Variants in ISM1 observed in about 807,000 individuals in gnomAD.
ISM1 encodes isthmin-1.
ISM1 carries 25 observed loss-of-function variants against 46.3 expected under a neutral mutation model. That is an observed-to-expected ratio of 0.54 (90% confidence interval 0.39 to 0.75). The LOEUF is 0.75. Among genes scored for constraint, ISM1 ranks in the 30% least tolerant of loss-of-function variants. The pLI, the probability that ISM1 is intolerant of heterozygous loss-of-function variation, is 0.00. For synonymous variants in ISM1, 255 were observed against 256.7 expected, an observed-to-expected ratio of 0.99 and a Z score of 0.06; for missense variants, 536 against 625.4, an observed-to-expected ratio of 0.86 and a Z score of 1.52.
chr20:13,254,045 C>T (rs2039898551), intron 1 of ISM1, among the ~76,000 whole-genome samples: 1 of 141,910 alleles, frequency 7.0e-6, no homozygotes, highest in African/African-American at 2.7e-5. Flanking sequence ...TGGCAAAACC[C>T]CATCATCTCT....
intron 2 of ISM1, among the ~76,000 whole-genome samples, chr20:13,271,492 T>C (rs1466491165): frequency 6.6e-6 from 1 of 152,186 alleles, no homozygotes; most frequent in Non-Finnish European, 1.5e-5. Context: ...AACACCCTCA[T>C]GAAGGAGACA....
intron 1 of ISM1, among the ~76,000 whole-genome samples, chr20:13,253,450 C>T (rs2039889753): frequency 6.6e-6 from 1 of 152,180 alleles, no homozygotes; most frequent in South Asian, 2.1e-4. Context: ...TTTGAGAGCG[C>T]TGTGTTTCCT....
At chr20:13,313,088 C>T in the ISM1 span, among the ~76,000 whole-genome samples, 1 of 152,158 alleles carries the variant, frequency 6.6e-6, no homozygotes, top group Non-Finnish European at 1.5e-5. Context: ...CTTCTTTGGG[C>T]CCCATCCCAC....
At chr20:13,233,595 CAAAAAAAA>C (rs1183584907) in intron 1 of ISM1, among the ~76,000 whole-genome samples, 182 of 63,750 alleles carry the variant, frequency 2.9e-3, no homozygotes, top group African/African-American at 0.01. Context: ...AACTCCATCT[CAAAAAAAA>C]AAAAAAAAAA....
intron 1 of ISM1, among the ~76,000 whole-genome samples, chr20:13,230,929 C>T (rs913961578): frequency 6.6e-5 from 10 of 152,144 alleles, no homozygotes; most frequent in African/African-American, 2.2e-4. Context: ...AACCAATATG[C>T]TTATTATGCC....
At chr20:13,224,906 C>T (rs1204174407) in intron 1 of ISM1, among the ~76,000 whole-genome samples, 12 of 140,048 alleles carry the variant, frequency 8.6e-5, no homozygotes, top group South Asian at 4.5e-4. Context: ...AGTGCAGTGG[C>T]GCGATCTCTG....
intron 1 of ISM1, among the ~76,000 whole-genome samples, chr20:13,232,157 T>A (rs892900787): frequency 2.6e-5 from 4 of 152,198 alleles, no homozygotes; most frequent in African/African-American, 9.7e-5. Flanking sequence ...ATTATTTTTT[T>A]AAATACAGCT....
intron 3 of ISM1, among the ~76,000 whole-genome samples, chr20:13,281,020 G>A (rs2040233462): frequency 6.6e-6 from 1 of 152,198 alleles, no homozygotes; most frequent in Non-Finnish European, 1.5e-5. Context: ...TTTTTCAACA[G>A]ATAGACCAAT....
intron 1 of ISM1, among the ~76,000 whole-genome samples, chr20:13,253,393 C>T (rs954487534): frequency 1.3e-5 from 2 of 152,196 alleles, no homozygotes; most frequent in African/African-American, 2.4e-5. Context: ...CCTTGGAGCT[C>T]ATTCGCTGTT....
intron 2 of ISM1, among the ~76,000 whole-genome samples, chr20:13,278,579 T>G (rs2040205802): frequency 6.6e-6 from 1 of 152,240 alleles, no homozygotes; most frequent in Non-Finnish European, 1.5e-5. Flanking sequence ...TCCCCATGTC[T>G]GCCACTTACT....
intron 3 of ISM1, among the ~76,000 whole-genome samples, chr20:13,284,419 A>C (rs2040269512): frequency 6.6e-6 from 1 of 152,222 alleles, no homozygotes. Context: ...CTGTCAAAGC[A>C]CCATATAGAT....
At chr20:13,225,082 T>C (rs1242715178) in intron 1 of ISM1, among the ~76,000 whole-genome samples, 1 of 151,332 alleles carries the variant, frequency 6.6e-6, no homozygotes, top group Admixed American at 6.6e-5. Flanking sequence ...CTCACTCTCC[T>C]GACCTCATGA....
intron 1 of ISM1, among the ~76,000 whole-genome samples, chr20:13,260,844 C>T (rs1459880711): frequency 6.6e-6 from 1 of 152,156 alleles, no homozygotes; most frequent in African/African-American, 2.4e-5. Context: ...TTTCTCATGA[C>T]TCTCTGGGTC....
chr20:13,261,374 C>T lies in ISM1; in HGVS notation c.139-9130C>T, dbSNP rs550578242. Reference sequence around the variant, plus strand: ...CAGAGGTTGCAGTGAGCCGAGATCGCGCCATTGCCCTTCAGCCTGGGCAAC... The same window carrying T: ...CAGAGGTTGCAGTGAGCCGAGATCGTGCCATTGCCCTTCAGCCTGGGCAAC... On this transcript the variant is annotated intron_variant, in intron 1 of 5. Transcript: ENST00000262487. Among the ~76,000 whole-genome samples the T allele has an allele frequency of 8.6e-5, 13 of 151,264 alleles. No individual in the cohort carries two copies. The East Asian group carries it at 9.7e-4, about 11-fold the overall frequency.
chr20:13,236,591 T>C (rs1452184874), intron 1 of ISM1, among the ~76,000 whole-genome samples: 1 of 152,140 alleles, frequency 6.6e-6, no homozygotes, highest in African/African-American at 2.4e-5. Flanking sequence ...CAAAGTCTCA[T>C]CTGAGACAAG....
intron 4 of ISM1, among the ~76,000 whole-genome samples, chr20:13,289,124 T>C (rs899016083): frequency 1.3e-5 from 2 of 152,218 alleles, no homozygotes; most frequent in African/African-American, 4.8e-5. Flanking sequence ...AGTCAGGAGA[T>C]AATTGATGAG....
the ISM1 span, among the ~76,000 whole-genome samples, chr20:13,314,413 TA>T: frequency 6.6e-6 from 1 of 151,924 alleles, no homozygotes; most frequent in Non-Finnish European, 1.5e-5. Context: ...GGAGCAAAGA[TA>T]AGAATTACAT....
the ISM1 span, among the ~76,000 whole-genome samples, chr20:13,319,709 T>C: frequency 2.6e-5 from 4 of 152,212 alleles, no homozygotes; most frequent in African/African-American, 9.6e-5. Context: ...GGAAAATGTT[T>C]GTATCTATTT....
chr20:13,242,303 CA>C (rs1360903419), intron 1 of ISM1, among the ~76,000 whole-genome samples: 1 of 152,096 alleles, frequency 6.6e-6, no homozygotes, highest in East Asian at 1.9e-4. Flanking sequence ...GGAGAATGAC[CA>C]GAAACTCCAC....
Sources: allele counts gnomAD v4.1 joint callset (sites outside exome capture counted in the v4.1 genomes callset), GRCh38; gene constraint gnomAD v4.1.1; transcripts MANE v1.5; gene names NCBI Gene and HGNC (gene_info 2026-07-23, HGNC 2026-07-21).